Variants in CSMD1 observed in about 807,000 individuals in gnomAD.
CSMD1 encodes the protein CUB and sushi domain-containing protein 1.
CSMD1 carries 213 observed loss-of-function variants against 417.5 expected under a neutral mutation model. The ratio of observed to expected loss-of-function variants is 0.51; its 90% CI spans 0.46 to 0.57. The LOEUF (loss-of-function observed/expected upper bound fraction) is 0.57, where lower values mean the gene tolerates loss of function less well. Ranked by LOEUF, CSMD1 falls within the 20% of genes least tolerant of loss-of-function variation. The probability of loss-of-function intolerance (pLI) is 0.00; values close to 1 mark genes in which losing one functional copy is unlikely to be tolerated. For synonymous variants in CSMD1, 2,862 were observed against 1,736.8 expected (o/e 1.65, Z -16.11); for missense variants, 6,923 against 4,529.7 (o/e 1.53, Z -15.17).
Position 4,123,082 on chromosome 8 carries a change from C to T in CSMD1, c.416-90983G>A, listed in dbSNP as rs144136816. Among the ~76,000 whole-genome samples the T allele has an allele frequency of 4.6e-5, 7 of 152,196 alleles. No homozygotes were observed. The East Asian group carries it at 1.4e-3, about 29-fold the overall frequency. On this transcript the variant is annotated intron_variant, in intron 3 of 69. Transcript: ENST00000635120. The stretch of plus-strand genomic sequence containing the variant: ...TAAAAGCTTTGATGCTTTCATAATG[C>T]CAGTGAGATTGGAAAACAGAAAAAT...
chr8:4,433,083 G>C (rs571876476), intron 2 of CSMD1, among the ~76,000 whole-genome samples: 1 of 152,284 alleles, frequency 6.6e-6, no homozygotes, highest in Non-Finnish European at 1.5e-5. Flanking sequence ...TCCAATGCCT[G>C]ATGATCTGTC....
chr8:4,309,793 C>G (rs1476149856), intron 3 of CSMD1, among the ~76,000 whole-genome samples: 1 of 152,112 alleles, frequency 6.6e-6, no homozygotes, highest in Non-Finnish European at 1.5e-5. Context: ...AGAAACCTCA[C>G]CTCCATATAG....
chr8:2,963,438 G>A (rs376353285), intron 59 of CSMD1, 43 bp from the exon 60 acceptor site: 56 of 1,590,056 alleles, frequency 3.5e-5, no homozygotes, highest in Middle Eastern at 1.7e-4. Context: ...CGGAGCTCCC[G>A]CTGCAGCGGT....
intron 5 of CSMD1, among the ~76,000 whole-genome samples, chr8:3,983,053 G>C (rs1020748634): frequency 6.6e-6 from 1 of 151,984 alleles, no homozygotes. Context: ...CCCAATCCAA[G>C]TTGGCTGACT....
At chr8:3,851,558 C>T (rs571155621) in intron 5 of CSMD1, among the ~76,000 whole-genome samples, 4 of 152,194 alleles carry the variant, frequency 2.6e-5, no homozygotes, top group Admixed American at 2.0e-4. Context: ...GCACCTTGAG[C>T]AGCAACTCCC....
At chr8:3,391,042 T>C (rs978000901) in intron 17 of CSMD1, among the ~76,000 whole-genome samples, 1 of 152,208 alleles carries the variant, frequency 6.6e-6, no homozygotes, top group Non-Finnish European at 1.5e-5. Flanking sequence ...CATGTATGCA[T>C]CCATGCGTGT....
chr8:4,747,494 A>G (rs1811035083), intron 1 of CSMD1, among the ~76,000 whole-genome samples: 1 of 152,182 alleles, frequency 6.6e-6, no homozygotes, highest in Non-Finnish European at 1.5e-5. Flanking sequence ...TCCTAAGTAG[A>G]GAAACATTTT....
chr8:4,079,994 A>G (rs186979006), intron 3 of CSMD1, among the ~76,000 whole-genome samples: 10 of 150,410 alleles, frequency 6.6e-5, no homozygotes, highest in Admixed American at 2.0e-4. Context: ...ATTATGTTCG[A>G]ATATTGGTGT....
intron 3 of CSMD1, among the ~76,000 whole-genome samples, chr8:4,333,633 T>C (rs1799998127): frequency 6.6e-6 from 1 of 152,174 alleles, no homozygotes; most frequent in Non-Finnish European, 1.5e-5. Context: ...GAGAGTGATC[T>C]AAATCTAGAC....
Position 3,230,148 on chromosome 8 carries a change from C to A in CSMD1, c.4237G>T (p.Val1413Phe). The A allele has an allele frequency of 6.2e-7, 1 of 1,613,526 alleles. No individual in the cohort carries two copies. Among genetic ancestry groups the A allele is most frequent in the Non-Finnish European group, 8.5e-7 (1 of 1,179,694 alleles). ...YGDSREAGDTVTFQCDPGYQL... is the reference protein window; with the variant it reads ...YGDSREAGDTFTFQCDPGYQL... Reference sequence around the variant, plus strand: ...TAGCCAGGGTCACACTGGAATGTGACGGTGTCTCCAGCCTCTCTGCTGTCT... The same window carrying A: ...TAGCCAGGGTCACACTGGAATGTGAAGGTGTCTCCAGCCTCTCTGCTGTCT... Residue 1413 changes from valine (V) to phenylalanine (F), a missense_variant, in exon 27 of 70, where the codon GTC becomes TTC. By Grantham distance (50) the Val-to-Phe change is conservative. Coordinates refer to ENST00000635120, the MANE Select transcript of CSMD1 (RefSeq NM_033225.6).
intron 3 of CSMD1, among the ~76,000 whole-genome samples, chr8:4,033,815 G>A (rs569047500): frequency 6.6e-6 from 1 of 152,232 alleles, no homozygotes; most frequent in South Asian, 2.1e-4. Context: ...CAATTGACTT[G>A]AAACTCCATT....
At chr8:3,953,670 G>T (rs1811733804) in intron 5 of CSMD1, among the ~76,000 whole-genome samples, 1 of 152,122 alleles carries the variant, frequency 6.6e-6, no homozygotes, top group Admixed American at 6.6e-5. Flanking sequence ...TGGGAGCCTG[G>T]GGAAGTGATG....
intron 3 of CSMD1, among the ~76,000 whole-genome samples, chr8:4,337,082 G>C (rs1040830622): frequency 5.9e-5 from 9 of 152,062 alleles, no homozygotes; most frequent in Non-Finnish European, 1.2e-4. Flanking sequence ...CTGTCCCAGA[G>C]GGTTGCCAAC....
chr8:3,231,721 T>C (rs1050311335), intron 26 of CSMD1, among the ~76,000 whole-genome samples: 2 of 152,176 alleles, frequency 1.3e-5, no homozygotes, highest in Non-Finnish European at 2.9e-5. Flanking sequence ...AATAGTGTCA[T>C]ATGATACAGA....
At position 4,142,055 on chromosome 8, in the gene CSMD1, A is replaced by G. The variant is rs568818820; in HGVS notation, c.416-109956T>C. ...AAAGATGTTTTAAATGTTTGAATAT[A>G]TAAGTTGAAAAAAAAATAACTCCAT... On this transcript the variant is annotated intron_variant, in intron 3 of 69. Transcript: ENST00000635120. 5.1e-4 allele frequency among the ~76,000 whole-genome samples: 77 copies of G among 151,082 alleles called. 4 individuals are homozygous for G. The highest frequency in any genetic ancestry group is 2.7e-3 in the South Asian group (13 of 4,826).
rs77434117 is a variant in CSMD1 at position 3,703,072 on chromosome 8, G to C, written c.1009+5342C>G. 8.5e-4 allele frequency among the ~76,000 whole-genome samples: 129 copies of C among 152,154 alleles called. 1 individual carries two copies. In the East Asian group the frequency reaches 0.022, roughly 26 times the overall value. On this transcript the variant is annotated intron_variant, in intron 7 of 69. Transcript: ENST00000635120. ...AAACCACGTAATTATAAAATACTTA[G>C]ATATTTAAGATATTAATGACTATCT...
intron 10 of CSMD1, among the ~76,000 whole-genome samples, chr8:3,563,747 G>A (rs1397046023): frequency 2.0e-5 from 3 of 152,004 alleles, no homozygotes; most frequent in Non-Finnish European, 4.4e-5. Context: ...AGATTAGCTA[G>A]GTGTGGTGGT....
At chr8:3,967,109 A>C (rs904629031) in intron 5 of CSMD1, among the ~76,000 whole-genome samples, 17 of 152,148 alleles carry the variant, frequency 1.1e-4, no homozygotes, top group Admixed American at 3.3e-4. Flanking sequence ...CATGATTTTC[A>C]TAGAGAAACG....
At chr8:3,194,642 G>A (rs976681811) in intron 33 of CSMD1, among the ~76,000 whole-genome samples, 30 of 123,798 alleles carry the variant, frequency 2.4e-4, no homozygotes, top group African/African-American at 7.8e-4. Flanking sequence ...TTTTTTTTTT[G>A]TACTTTTAGT....
Sources: gnomAD v4.1 joint callset for allele counts (sites outside exome capture counted in the v4.1 genomes callset) on GRCh38, gnomAD v4.1.1 for gene constraint, MANE v1.5 for transcripts, NCBI Gene and HGNC (gene_info 2026-07-23, HGNC 2026-07-21) for gene names.